The following RYR3 variants were observed in gnomAD, a reference collection of about 807,000 sequenced individuals.
The protein encoded by RYR3 is brain ryanodine receptor-calcium release channel.
A neutral mutation model predicts 584.3 loss-of-function variants in RYR3; 207 were observed. That is an observed-to-expected ratio of 0.35 (90% CI 0.32 to 0.40). The LOEUF is 0.40. Ranked by LOEUF, RYR3 falls within the 10% of genes least tolerant of loss-of-function variation. The pLI is 1.00. For missense variants in RYR3, 5,616 were observed against 6,089.2 expected, an observed-to-expected ratio of 0.92 and a Z score of 2.59; for synonymous variants, 2,416 against 2,248.5, an observed-to-expected ratio of 1.07 and a Z score of -2.11.
chr15:33,538,577 G>A (rs2055531579), intron 5 of RYR3, among the ~76,000 whole-genome samples: 1 of 152,196 alleles, frequency 6.6e-6, no homozygotes, highest in African/African-American at 2.4e-5. Flanking sequence ...TAGCGTGGAG[G>A]AGGAGAGGTC....
At position 33,686,621 on chromosome 15, in the gene RYR3, A is replaced by G. The variant is rs371177724; in HGVS notation, c.5861-9597A>G. Among the ~76,000 whole-genome samples the G allele has an allele frequency of 2.6e-5, 4 of 151,368 alleles. No individual in the cohort carries two copies. In the East Asian group the frequency reaches 7.7e-4, roughly 29 times the overall value. On this transcript the variant is annotated intron_variant, in intron 38 of 103. Transcript: ENST00000634891. ...TACCAAAGCCTGGCAGAGACACAACAAAAAAAGAGAACTTTAGACCAATAC... is the reference window on the plus strand; with the variant it reads ...TACCAAAGCCTGGCAGAGACACAACGAAAAAAGAGAACTTTAGACCAATAC...
chr15:33,385,240 CTT>C (rs138706519), intron 1 of RYR3, among the ~76,000 whole-genome samples: 15,650 of 152,212 alleles, frequency 0.1, 901 homozygotes, highest in Middle Eastern at 0.21. Context: ...TTCTGGGCCT[CTT>C]GGCAGAATTG....
chr15:33,825,702 C>G (rs946729214), intron 82 of RYR3, 26 bp downstream of exon 82: 1 of 1,106,692 alleles, frequency 9.0e-7, no homozygotes, highest in Non-Finnish European at 1.3e-6. Context: ...ATGTGAAGGC[C>G]ATTCTCTTCC....
In RYR3 at chr15:33,652,762, T is replaced by C. The variant is rs374714882; in HGVS notation, c.4187T>C (p.Val1396Ala). The change falls in exon 32 of 104, where the codon GTA becomes GCA. Residue 1396 changes from valine (V) to alanine (A), a missense_variant. By Grantham distance (64) the Val-to-Ala change is moderately conservative. Coordinates refer to ENST00000634891, the MANE Select transcript of RYR3 (RefSeq NM_001036.6). ...NCYMVWGGDI[V>A]ASSQRSNRSN... Reference sequence around the variant, plus strand: ...TACATGGTCTGGGGTGGAGACATTGTAGCCAGTTCCCAGAGATCAAATCGG... The same window carrying C: ...TACATGGTCTGGGGTGGAGACATTGCAGCCAGTTCCCAGAGATCAAATCGG... 6 of 1,613,712 alleles carry C rather than the reference T, an allele frequency of 3.7e-6. No homozygotes were observed. The African/African-American group carries it at 6.7e-5, about 18-fold the overall frequency.
rs1472802798 is a variant in RYR3 at position 33,773,514 on chromosome 15, A to G, written c.9056-20A>G. On this transcript the variant is annotated intron_variant, in intron 63 of 103. Transcript: ENST00000634891. The stretch of plus-strand genomic sequence containing the variant: ...TATTCAGGATTGATGCAAATCAATG[A>G]TATTTCTTCTTTGTTTCAGTGGGTG... 1.3e-6 allele frequency: 2 copies of G among 1,563,458 alleles called. No individual in the cohort carries two copies. Among genetic ancestry groups the G allele is most frequent in the Non-Finnish European group, 1.8e-6 (2 of 1,141,766 alleles).
rs748559688 is a variant in RYR3, at chr15:33,731,602, C to T, written c.7332C>T (p.Ser2444=). 8 of 1,613,724 alleles carry T rather than the reference C, an allele frequency of 5.0e-6. No individual in the cohort carries two copies. The highest frequency in any genetic ancestry group is 6.8e-6 in the Non-Finnish European group (8 of 1,179,646). The change falls in exon 48 of 104, where the codon TCC becomes TCT. Residue 2444 remains serine (S), a synonymous_variant. Coordinates refer to ENST00000634891, the MANE Select transcript of RYR3 (RefSeq NM_001036.6). The part of the protein sequence containing the change: ...GTEHCTSLID[S]TLQTIYRLSK... ...AACACTGCACCTCTCTGATTGATTC[C>T]ACACTGCAGACAATATACAGGCTAT...
intron 38 of RYR3, among the ~76,000 whole-genome samples, chr15:33,676,430 T>G (rs1196206645): frequency 6.6e-6 from 1 of 152,100 alleles, no homozygotes; most frequent in Non-Finnish European, 1.5e-5. Flanking sequence ...ATAGAAAAGG[T>G]GGTGACAACA....
At chr15:33,651,044 T>G (rs1019240823) in intron 31 of RYR3, among the ~76,000 whole-genome samples, 5 of 152,224 alleles carry the variant, frequency 3.3e-5, no homozygotes, top group Non-Finnish European at 5.9e-5. Flanking sequence ...GTTTGCTGGC[T>G]CTACCATACA....
chr15:33,768,763 A>T (rs1463968545), intron 61 of RYR3, 56 bp downstream of exon 61: 2 of 1,552,062 alleles, frequency 1.3e-6, no homozygotes, highest in African/African-American at 1.4e-5. Context: ...TTGAACTTGC[A>T]CTTTGCCTTT....
At chr15:33,538,766 C>A (rs1040676708) in intron 5 of RYR3, among the ~76,000 whole-genome samples, 1 of 152,188 alleles carries the variant, frequency 6.6e-6, no homozygotes, top group Non-Finnish European at 1.5e-5. Context: ...TCTTCATCTC[C>A]ATTTTCTTAC....
At chr15:33,783,122 G>T (rs1446316466) in intron 65 of RYR3, among the ~76,000 whole-genome samples, 1 of 152,166 alleles carries the variant, frequency 6.6e-6, no homozygotes, top group Non-Finnish European at 1.5e-5. Context: ...GGTGATTCTT[G>T]AATTCTAACG....
chr15:33,492,202 C>A (rs1291545669), intron 2 of RYR3, among the ~76,000 whole-genome samples: 1 of 152,054 alleles, frequency 6.6e-6, no homozygotes, highest in African/African-American at 2.4e-5. Context: ...ATGTATAGTA[C>A]AAATCCTTGC....
chr15:33,403,366 C>A (rs1484548384), intron 1 of RYR3, among the ~76,000 whole-genome samples: 1 of 152,248 alleles, frequency 6.6e-6, no homozygotes, highest in East Asian at 1.9e-4. Flanking sequence ...TGATAAGATA[C>A]ATGTTTAAAG....
intron 2 of RYR3, among the ~76,000 whole-genome samples, chr15:33,487,482 C>T (rs902195956): frequency 1.3e-5 from 2 of 152,146 alleles, no homozygotes; most frequent in Non-Finnish European, 2.9e-5. Flanking sequence ...GCTGGATAGT[C>T]GTTTTGTTTG....
At chr15:33,422,487 C>T (rs1185282673) in intron 1 of RYR3, among the ~76,000 whole-genome samples, 2 of 152,048 alleles carry the variant, frequency 1.3e-5, no homozygotes, top group African/African-American at 4.8e-5. Context: ...ATTGTGATTG[C>T]CATTGCAGAG....
At chr15:33,554,262 G>C (rs889789034) in intron 10 of RYR3, among the ~76,000 whole-genome samples, 3 of 150,848 alleles carry the variant, frequency 2.0e-5, no homozygotes, top group Non-Finnish European at 4.4e-5. Context: ...GAAATAGAGT[G>C]AAATCCATTT....
At chr15:33,569,159 G>A (rs1188835222) in intron 12 of RYR3, among the ~76,000 whole-genome samples, 1 of 152,136 alleles carries the variant, frequency 6.6e-6, no homozygotes, top group East Asian at 1.9e-4. Flanking sequence ...TGTTTCTATG[G>A]ATATTAGTGT....
At chr15:33,722,533 C>A in intron 43 of RYR3, 182 bp from the exon 44 acceptor site, 1 of 617,600 alleles carries the variant, frequency 1.6e-6, no homozygotes, top group Non-Finnish European at 2.8e-6. Flanking sequence ...AACTAACTGA[C>A]CACAATCAGT....
At chr15:33,399,898 T>C (rs2042540670) in intron 1 of RYR3, among the ~76,000 whole-genome samples, 2 of 152,254 alleles carry the variant, frequency 1.3e-5, no homozygotes. Flanking sequence ...TTCTAAAATC[T>C]AGGTAGGACA....
Sources: allele counts gnomAD v4.1 joint callset (sites outside exome capture counted in the v4.1 genomes callset), GRCh38; gene constraint gnomAD v4.1.1; transcripts MANE v1.5; gene names NCBI Gene and HGNC (gene_info 2026-07-23, HGNC 2026-07-21).